Variants in EFCAB11 observed in about 807,000 individuals in gnomAD.
The protein encoded by EFCAB11 is EF-hand calcium binding domain 11.
EFCAB11 carries 14 observed loss-of-function variants against 23.0 expected under a neutral mutation model. That is an observed-to-expected ratio of 0.61 (90% confidence interval 0.40 to 0.95). EFCAB11 has a LOEUF of 0.95. EFCAB11 is among the 40% of genes least tolerant of loss of function. The pLI, the probability that EFCAB11 is intolerant of heterozygous loss-of-function variation, is 0.00. For synonymous variants in EFCAB11, 65 were observed against 66.6 expected (o/e 0.98, Z 0.11); for missense variants, 198 against 195.8 (o/e 1.01, Z -0.07).
chr14:89,885,405 G>A (rs533938601), intron 5 of EFCAB11, among the ~76,000 whole-genome samples: 7 of 152,136 alleles, frequency 4.6e-5, no homozygotes, highest in Admixed American at 6.6e-5. Context: ...GCCAGCGGGC[G>A]TGGTGGCTCA....
intron 5 of EFCAB11, among the ~76,000 whole-genome samples, chr14:89,878,507 A>G (rs1888509471): frequency 6.6e-6 from 1 of 152,218 alleles, no homozygotes; most frequent in African/African-American, 2.4e-5. Context: ...GATGAAAATC[A>G]TCTCCAAATG....
chr14:89,812,604 G>C (rs1886183627), intron 5 of EFCAB11, among the ~76,000 whole-genome samples: 1 of 152,128 alleles, frequency 6.6e-6, no homozygotes, highest in Non-Finnish European at 1.5e-5. Context: ...CAAGGGAATA[G>C]GATAAATGTC....
chr14:89,866,404 C>A, intron 5 of EFCAB11, among the ~76,000 whole-genome samples: 1 of 152,254 alleles, frequency 6.6e-6, no homozygotes, highest in East Asian at 1.9e-4. Flanking sequence ...AGACCCCATG[C>A]CTTTCAGGTT....
At position 89,794,831 on chromosome 14, in the gene EFCAB11, G is replaced by A. The variant is rs945580760; in HGVS notation, c.*2412C>T. ...TAGAAAAATTGTGAAAATAGTAGAG[G>A]GTTCCCATATACCTCACCCAGTTTC... is the stretch of plus-strand genomic sequence containing the variant. On this transcript the variant is annotated 3_prime_UTR_variant, in exon 6 of 6. Transcript: ENST00000316738. 2 of 151,772 alleles carry A rather than the reference G, an allele frequency of 1.3e-5. No homozygotes were observed. The highest frequency in any genetic ancestry group is 2.4e-5 in the African/African-American group (1 of 41,300). The allele number at this position is 151,772 out of a possible 1,614,324, so 9.4% of individuals were successfully genotyped here. A position where few individuals can be genotyped will look rare whatever the true frequency, so the allele number is the denominator to read the frequency against.
At chr14:89,932,112 TA>T (rs1462445091) in intron 4 of EFCAB11, among the ~76,000 whole-genome samples, 1 of 152,114 alleles carries the variant, frequency 6.6e-6, no homozygotes, top group African/African-American at 2.4e-5. Context: ...CTGTGGGGCC[TA>T]GGGGGTCTAC....
chr14:89,942,638 A>G (rs186120228), intron 3 of EFCAB11, among the ~76,000 whole-genome samples: 4 of 152,296 alleles, frequency 2.6e-5, no homozygotes, highest in African/African-American at 7.2e-5. Flanking sequence ...TCCTTTAACT[A>G]ATGGCTTGAT....
intron 5 of EFCAB11, among the ~76,000 whole-genome samples, chr14:89,852,908 C>G (rs1278456884): frequency 6.6e-6 from 1 of 152,118 alleles, no homozygotes; most frequent in African/African-American, 2.4e-5. Flanking sequence ...AACTCTGTAC[C>G]CATTGAACCC....
intron 5 of EFCAB11, among the ~76,000 whole-genome samples, chr14:89,822,105 G>A (rs1253184000): frequency 6.6e-6 from 1 of 152,034 alleles, no homozygotes; most frequent in African/African-American, 2.4e-5. Context: ...CAACCACTGT[G>A]TTATCATTGT....
At chr14:89,938,042 A>T (rs925153510) in intron 3 of EFCAB11, 1 of 152,186 alleles carries the variant, frequency 6.6e-6, no homozygotes, top group African/African-American at 2.4e-5. Flanking sequence ...AGTTCCATTA[A>T]GTATAGTTTT....
At chr14:89,892,953 C>T (rs963398103) in intron 5 of EFCAB11, among the ~76,000 whole-genome samples, 1 of 152,142 alleles carries the variant, frequency 6.6e-6, no homozygotes, top group African/African-American at 2.4e-5. Context: ...AGATGTGCAA[C>T]TTCCTGTCCT....
At chr14:89,935,011 C>T (rs1890530172) in intron 3 of EFCAB11, among the ~76,000 whole-genome samples, 1 of 152,194 alleles carries the variant, frequency 6.6e-6, no homozygotes, top group South Asian at 2.1e-4. Context: ...ATAGAACACA[C>T]TGCCTGGAAT....
intron 3 of EFCAB11, among the ~76,000 whole-genome samples, chr14:89,936,658 A>T (rs186529432): frequency 1.3e-5 from 2 of 152,324 alleles, no homozygotes; most frequent in Admixed American, 1.3e-4. Context: ...ACATTTATCC[A>T]AATACAAGAC....
chr14:89,924,010 G>A (rs1038574363), intron 5 of EFCAB11: 2 of 985,174 alleles, frequency 2.0e-6, no homozygotes, highest in African/African-American at 3.5e-5. Context: ...TTTTACCCAA[G>A]CTGGTGACAG....
chr14:89,951,755 A>C (rs1891175012), intron 2 of EFCAB11, among the ~76,000 whole-genome samples: 1 of 139,438 alleles, frequency 7.2e-6, no homozygotes, highest in South Asian at 2.2e-4. Flanking sequence ...CTAAAAACAC[A>C]AAAAAAAAAA....
intron 5 of EFCAB11, among the ~76,000 whole-genome samples, chr14:89,857,676 C>T (rs763981519): frequency 6.6e-6 from 1 of 152,114 alleles, no homozygotes; most frequent in Non-Finnish European, 1.5e-5. Flanking sequence ...TGGAATTGGC[C>T]CTCACCAGTT....
chr14:89,815,939 T>C (rs1329458041), intron 5 of EFCAB11, among the ~76,000 whole-genome samples: 3 of 152,204 alleles, frequency 2.0e-5, no homozygotes, highest in African/African-American at 4.8e-5. Flanking sequence ...ATTGGTATTG[T>C]GGTAGGCATT....
Position 89,796,566 on chromosome 14 carries a change from G to C in EFCAB11, c.*677C>G, listed in dbSNP as rs1278647094. The C allele has an allele frequency of 6.6e-6, 1 of 152,116 alleles. No homozygotes were observed. Among genetic ancestry groups the C allele is most frequent in the Non-Finnish European group, 1.5e-5 (1 of 68,058 alleles). The allele number at this position is 152,116 out of a possible 1,614,324, so 9.4% of individuals were successfully genotyped here. A position where few individuals can be genotyped will look rare whatever the true frequency, so the allele number is the denominator to read the frequency against. On this transcript the variant is annotated 3_prime_UTR_variant, in exon 6 of 6. Transcript: ENST00000316738. ...TAGGCTCAAGTGATCCTCCTGCTTT[G>C]GCCTCCCAAAGTGCTGGGATTGTAG...
rs754059853 is a variant in EFCAB11 at position 89,797,296 on chromosome 14, C to A, written c.439G>T (p.Val147Phe). Reference protein sequence around the residue: ...REVDRDSDGHVSFRDFEYALN... With the variant: ...REVDRDSDGHFSFRDFEYALN... ...GCATATTCAAAGTCTCTAAAGCTGA[C>A]GTGACCATCTGAATCTCGATCTACT... The change falls in exon 6 of 6, where the codon GTC becomes TTC. Residue 147 changes from valine (V) to phenylalanine (F), a missense_variant. Physicochemically the swap from Val to Phe is conservative, Grantham distance 50. Transcript: ENST00000316738. 3.1e-6 allele frequency: 5 copies of A among 1,612,970 alleles called. No homozygotes were observed. Among genetic ancestry groups the A allele is most frequent in the Non-Finnish European group, 3.4e-6 (4 of 1,179,676 alleles).
intron 5 of EFCAB11, among the ~76,000 whole-genome samples, chr14:89,832,250 T>G (rs945723729): frequency 3.9e-5 from 6 of 151,960 alleles, no homozygotes; most frequent in African/African-American, 1.5e-4. Context: ...GAGGCAGAGG[T>G]TGCAGTGAGC....
Sources: gnomAD v4.1 joint callset for allele counts (sites outside exome capture counted in the v4.1 genomes callset) on GRCh38, gnomAD v4.1.1 for gene constraint, MANE v1.5 for transcripts, NCBI Gene and HGNC (gene_info 2026-07-23, HGNC 2026-07-21) for gene names.